The following GNAO1 variants were observed in gnomAD, a reference collection of about 807,000 sequenced individuals.
GNAO1 encodes G protein subunit alpha o1, also known as guanine nucleotide-binding protein G(o) subunit alpha.
For synonymous variants in GNAO1, 164 were observed against 180.7 expected (o/e 0.91, Z 0.74); for missense variants, 166 against 478.7 (o/e 0.35, Z 6.10).
At position 56,355,125 on chromosome 16, in the gene GNAO1, T is replaced by TACACAC. The variant is rs59437828; in HGVS notation, c.*28+69_*28+74dup. On this transcript the variant is annotated intron_variant, in intron 8 of 8. Transcript: ENST00000262493. ...ACAGAACAGCTTGCGTGCGCGCGCA[T>TACACAC]ACACACACACACACACACACACACA... 2.6e-3 allele frequency: 1,472 copies of TACACAC among 556,132 alleles called. 3 individuals are homozygous for TACACAC. The highest frequency in any genetic ancestry group is 9.5e-3 in the African/African-American group (462 of 48,572). The allele number at this position is 556,132 out of a possible 1,614,324, so 34.4% of individuals were successfully genotyped here.
Position 56,336,717 on chromosome 16 carries a change from C to T in GNAO1, c.594-14C>T. 10 of 1,604,560 alleles carry T rather than the reference C, an allele frequency of 6.2e-6. No homozygotes were observed. The highest frequency in any genetic ancestry group is 7.7e-6 in the Non-Finnish European group (9 of 1,176,254). On this transcript the variant is annotated splice_polypyrimidine_tract_variant and intron_variant, in intron 5 of 8. Coordinates refer to ENST00000262493, the MANE Select transcript of GNAO1 (RefSeq NM_020988.3). Reference sequence around the variant, plus strand: ...GCCTGGACCCTGCGCCTACCAGCTCCCTGCCTCCTACAGGCTGTTTGACGT... The same window carrying T: ...GCCTGGACCCTGCGCCTACCAGCTCTCTGCCTCCTACAGGCTGTTTGACGT...
intron 3 of GNAO1, among the ~76,000 whole-genome samples, chr16:56,281,838 G>C (rs940482462): frequency 2.0e-5 from 3 of 152,180 alleles, no homozygotes; most frequent in African/African-American, 4.8e-5. Flanking sequence ...TGGACCAGTG[G>C]GGGGGATGGG....
At chr16:56,234,237 C>T (rs1438697350) in intron 2 of GNAO1, among the ~76,000 whole-genome samples, 1 of 152,252 alleles carries the variant, frequency 6.6e-6, no homozygotes, top group East Asian at 1.9e-4. Flanking sequence ...CTCAACCTCT[C>T]TGGTGGGAAA....
chr16:56,299,130 C>T, intron 3 of GNAO1, among the ~76,000 whole-genome samples: 1 of 152,190 alleles, frequency 6.6e-6, no homozygotes, highest in East Asian at 1.9e-4. Flanking sequence ...AGTCACACAG[C>T]TGACAGATGG....
intron 2 of GNAO1, among the ~76,000 whole-genome samples, chr16:56,232,847 C>G (rs1212515164): frequency 6.6e-6 from 1 of 152,224 alleles, no homozygotes; most frequent in Non-Finnish European, 1.5e-5. Flanking sequence ...CAAAAGACAG[C>G]TTCACGAAGA....
chr16:56,296,622 T>C (rs2037290433), intron 3 of GNAO1, among the ~76,000 whole-genome samples: 4 of 152,180 alleles, frequency 2.6e-5, no homozygotes, highest in Admixed American at 2.0e-4. Flanking sequence ...TCTGCCCAGC[T>C]GGTCACCCTC....
chr16:56,217,729 A>G (rs2036448516), intron 2 of GNAO1, among the ~76,000 whole-genome samples: 1 of 152,210 alleles, frequency 6.6e-6, no homozygotes, highest in Admixed American at 6.5e-5. Flanking sequence ...AACTAAAACT[A>G]GAGAGGTTAA....
At chr16:56,276,198 A>T in intron 3 of GNAO1, 126 bp downstream of exon 3, 1 of 788,890 alleles carries the variant, frequency 1.3e-6, no homozygotes, top group Non-Finnish European at 1.9e-6. Flanking sequence ...TGAAAGATAT[A>T]TGGTGGCACA....
At chr16:56,245,134 A>G (rs1209002656) in intron 2 of GNAO1, among the ~76,000 whole-genome samples, 1 of 151,914 alleles carries the variant, frequency 6.6e-6, no homozygotes, top group Non-Finnish European at 1.5e-5. Flanking sequence ...TTTATTTTAT[A>G]GATAAAAAAA....
At chr16:56,197,757 AT>A (rs1362661659) in intron 2 of GNAO1, among the ~76,000 whole-genome samples, 1 of 152,184 alleles carries the variant, frequency 6.6e-6, no homozygotes, top group Non-Finnish European at 1.5e-5. Context: ...CTCGCAGATT[AT>A]TTTGTGCTTC....
At chr16:56,269,125 A>G (rs1299402211) in intron 2 of GNAO1, among the ~76,000 whole-genome samples, 2 of 152,238 alleles carry the variant, frequency 1.3e-5, no homozygotes, top group Non-Finnish European at 2.9e-5. Context: ...ATTTCATGAC[A>G]CGTTAAGACA....
At chr16:56,244,431 C>T (rs1051230103) in intron 2 of GNAO1, among the ~76,000 whole-genome samples, 10 of 151,608 alleles carry the variant, frequency 6.6e-5, no homozygotes, top group African/African-American at 2.4e-5. Flanking sequence ...CATCTTTGCT[C>T]TTGGCTGAAA....
intron 2 of GNAO1, among the ~76,000 whole-genome samples, chr16:56,200,976 A>G (rs1433222040): frequency 1.3e-5 from 2 of 152,224 alleles, no homozygotes; most frequent in Non-Finnish European, 2.9e-5. Context: ...ACAGGATGGT[A>G]GGGGATCCAT....
At chr16:56,325,001 TC>T (rs2037617272) in intron 3 of GNAO1, among the ~76,000 whole-genome samples, 1 of 152,208 alleles carries the variant, frequency 6.6e-6, no homozygotes, top group African/African-American at 2.4e-5. Context: ...CGACAAAACT[TC>T]CAGATGCTGA....
intron 3 of GNAO1, among the ~76,000 whole-genome samples, chr16:56,324,456 C>T (rs913632239): frequency 1.1e-4 from 16 of 152,222 alleles, no homozygotes; most frequent in African/African-American, 3.9e-4. Flanking sequence ...AAAACTCTTG[C>T]CAGGTCCACC....
intron 2 of GNAO1, among the ~76,000 whole-genome samples, chr16:56,215,046 A>G (rs2036426227): frequency 6.6e-6 from 1 of 152,168 alleles, no homozygotes; most frequent in Admixed American, 6.5e-5. Context: ...TCCCCCTACT[A>G]CAGAACGCCT....
chr16:56,260,018 C>G (rs1198617296), intron 2 of GNAO1, among the ~76,000 whole-genome samples: 1 of 152,206 alleles, frequency 6.6e-6, no homozygotes, highest in East Asian at 1.9e-4. Context: ...TGGGAAAGCT[C>G]ATTAACTTTC....
intron 2 of GNAO1, among the ~76,000 whole-genome samples, chr16:56,238,389 G>A (rs2036661336): frequency 6.6e-6 from 1 of 152,246 alleles, no homozygotes; most frequent in Non-Finnish European, 1.5e-5. Context: ...GTGGCCAGAG[G>A]CACAGCGGGT....
chr16:56,233,460 T>C (rs541897125), intron 2 of GNAO1, among the ~76,000 whole-genome samples: 2 of 152,216 alleles, frequency 1.3e-5, no homozygotes, highest in Non-Finnish European at 2.9e-5. Flanking sequence ...AGTGAGCTGC[T>C]TGCTGTAGGC....
Sources: allele counts gnomAD v4.1 joint callset (sites outside exome capture counted in the v4.1 genomes callset), GRCh38; gene constraint gnomAD v4.1.1; transcripts MANE v1.5; gene names NCBI Gene and HGNC (gene_info 2026-07-23, HGNC 2026-07-21).